Variants in PRKG1 observed in about 807,000 individuals in gnomAD.
The protein encoded by PRKG1 is cGMP-dependent protein kinase 1.
PRKG1 carries 35 observed loss-of-function variants against 88.1 expected under a neutral mutation model. The observed-to-expected ratio is 0.40, with a 90% CI of 0.30 to 0.53. PRKG1 has a LOEUF of 0.53. PRKG1 is among the 20% of genes least tolerant of loss of function. PRKG1 has a pLI of 0.59. For synonymous variants in PRKG1, 303 were observed against 292.5 expected (o/e 1.04, Z -0.37); for missense variants, 540 against 839.8 (o/e 0.64, Z 4.41).
chr10:51,300,401 C>T (rs1840851736), intron 2 of PRKG1, among the ~76,000 whole-genome samples: 1 of 152,054 alleles, frequency 6.6e-6, no homozygotes, highest in Non-Finnish European at 1.5e-5. Flanking sequence ...TGGGACATAC[C>T]TTCATGTGAA....
chr10:51,092,316 C>T (rs373171178), intron 1 of PRKG1, among the ~76,000 whole-genome samples: 10 of 152,212 alleles, frequency 6.6e-5, no homozygotes, highest in African/African-American at 2.2e-4. Context: ...GTGATGATTT[C>T]GTGAAGAAAG....
rs1459895372 is a variant in PRKG1, at chr10:52,294,139, C to G, written c.*239C>G. The G allele has an allele frequency of 2.6e-6, 1 of 383,298 alleles. No individual in the cohort carries two copies. Among genetic ancestry groups the G allele is most frequent in the Non-Finnish European group, 4.5e-6 (1 of 222,838 alleles). 23.7% of individuals were successfully genotyped at this position (383,298 alleles called of 1,614,324 possible). A position where few individuals can be genotyped will look rare whatever the true frequency, so the allele number is the denominator to read the frequency against. On this transcript the variant is annotated 3_prime_UTR_variant, in exon 18 of 18. Coordinates refer to ENST00000373980, the MANE Select transcript of PRKG1 (RefSeq NM_006258.4). The stretch of plus-strand genomic sequence containing the variant: ...TTGACATGGTGGTCCTGAAGCAAAG[C>G]CTTTCACCAGTAAAAGATGTTTTCT...
At chr10:51,660,607 G>A (rs1840275622) in intron 3 of PRKG1, among the ~76,000 whole-genome samples, 1 of 152,032 alleles carries the variant, frequency 6.6e-6, no homozygotes, top group Admixed American at 6.6e-5. Flanking sequence ...CAGTAACCCA[G>A]TTCAAATAAT....
At chr10:51,450,123 T>C (rs1444111883) in intron 2 of PRKG1, among the ~76,000 whole-genome samples, 1 of 151,996 alleles carries the variant, frequency 6.6e-6, no homozygotes, top group Non-Finnish European at 1.5e-5. Flanking sequence ...AATTAATTTA[T>C]TGCTGCTCAA....
chr10:51,879,907 A>G (rs978544386), intron 4 of PRKG1, among the ~76,000 whole-genome samples: 1 of 152,244 alleles, frequency 6.6e-6, no homozygotes, highest in Non-Finnish European at 1.5e-5. Context: ...TATGGCAAGC[A>G]AGGAAATTGT....
intron 1 of PRKG1, among the ~76,000 whole-genome samples, chr10:51,112,181 A>G (rs1019673865): frequency 6.6e-6 from 1 of 152,112 alleles, no homozygotes; most frequent in African/African-American, 2.4e-5. Context: ...TCAAATCATC[A>G]TTGAATTGCA....
chr10:52,212,607 G>A (rs1270420512), intron 9 of PRKG1, among the ~76,000 whole-genome samples: 1 of 151,524 alleles, frequency 6.6e-6, no homozygotes, highest in East Asian at 2.0e-4. Context: ...GGGGGAGAGG[G>A]GTGGTGTAGG....
chr10:51,593,747 C>T (rs538151614), intron 3 of PRKG1, among the ~76,000 whole-genome samples: 4 of 150,678 alleles, frequency 2.7e-5, no homozygotes, highest in South Asian at 2.1e-4. Flanking sequence ...TTTTTTAAGA[C>T]GGAGTCTCGG....
rs558899657 is a variant in PRKG1, at chr10:51,381,714, C to T, written c.479-86009C>T. On this transcript the variant is annotated intron_variant, in intron 2 of 17. Coordinates refer to ENST00000373980, the MANE Select transcript of PRKG1 (RefSeq NM_006258.4). ...GAAAAAAGAAAACATTACATGTATA[C>T]CATGGGGAAGTTAAGACAATTTGGC... Among the ~76,000 whole-genome samples the T allele has an allele frequency of 3.3e-5, 5 of 152,232 alleles. No individual in the cohort carries two copies. The South Asian group carries it at 1.0e-3, about 32-fold the overall frequency.
intron 3 of PRKG1, among the ~76,000 whole-genome samples, chr10:51,700,390 T>C (rs1225166656): frequency 6.6e-6 from 1 of 152,220 alleles, no homozygotes; most frequent in East Asian, 1.9e-4. Context: ...AATTAGTTAT[T>C]AGTATTTTAT....
chr10:51,165,501 A>C (rs564188051), intron 2 of PRKG1, among the ~76,000 whole-genome samples: 2 of 152,328 alleles, frequency 1.3e-5, no homozygotes, highest in East Asian at 1.9e-4. Context: ...CAAGCAAAAT[A>C]ACCAGCTAAC....
intron 2 of PRKG1, among the ~76,000 whole-genome samples, chr10:51,370,577 TCA>T (rs1842684159): frequency 6.6e-6 from 1 of 151,568 alleles, no homozygotes; most frequent in African/African-American, 2.4e-5. Context: ...AGCCTTACCC[TCA>T]CCATGCCTTA....
intron 5 of PRKG1, 56 bp downstream of exon 5, chr10:51,907,626 CT>C: frequency 1.4e-6 from 2 of 1,445,762 alleles, no homozygotes; most frequent in South Asian, 2.3e-5. Flanking sequence ...GCTTGGCTGG[CT>C]TCTTTCACAG....
rs1304664992 is a variant in PRKG1, at chr10:50,991,611, G to A, written c.233G>A (p.Arg78Gln). Reference sequence around the variant, plus strand: ...ACGTACAGGTCCTTCCACGACCTCCGACAGGCATTCCGGAAGTTCACCAAG... The same window carrying A: ...ACGTACAGGTCCTTCCACGACCTCCAACAGGCATTCCGGAAGTTCACCAAG... The change falls in exon 1 of 18, where the codon CGA (arginine) becomes CAA (glutamine). Residue 78 changes from arginine to glutamine, a missense_variant. Transcript: ENST00000401604. This position sits in a 1 kb window ranked among gnomAD's most constrained non-coding sequence, Gnocchi z 4.5. 4 of 1,560,748 alleles carry A rather than the reference G, an allele frequency of 2.6e-6. No homozygotes were observed. Among genetic ancestry groups the A allele is most frequent in the Non-Finnish European group, 3.5e-6 (4 of 1,155,244 alleles).
chr10:51,690,794 C>T (rs144072163), intron 3 of PRKG1, among the ~76,000 whole-genome samples: 1,724 of 151,424 alleles, frequency 0.011, 23 homozygotes, highest in African/African-American at 0.039. Flanking sequence ...GGTGTGGTGG[C>T]GAGCACCTGT....
chr10:51,365,876 C>T (rs1214967358), intron 2 of PRKG1, among the ~76,000 whole-genome samples: 2 of 150,844 alleles, frequency 1.3e-5, no homozygotes, highest in South Asian at 2.1e-4. Context: ...AGCTGCATAG[C>T]TTTGTACTAA....
intron 1 of PRKG1, among the ~76,000 whole-genome samples, chr10:51,068,168 G>A (rs561846734): frequency 8.5e-5 from 13 of 152,070 alleles, no homozygotes; most frequent in South Asian, 2.1e-4. Context: ...TTTGCCTGTC[G>A]TTAGAAAAGT....
At chr10:51,146,867 C>T (rs1165659194) in intron 1 of PRKG1, among the ~76,000 whole-genome samples, 2 of 152,090 alleles carry the variant, frequency 1.3e-5, no homozygotes, top group Non-Finnish European at 2.9e-5. Flanking sequence ...CAGCACTAGT[C>T]ACAATAGCCA....
intron 2 of PRKG1, among the ~76,000 whole-genome samples, chr10:51,174,069 A>C (rs1184164767): frequency 3.3e-5 from 5 of 151,982 alleles, no homozygotes; most frequent in African/African-American, 9.7e-5. Flanking sequence ...CTAGTCAAAA[A>C]TAGATCTTAA....
Sources: allele counts gnomAD v4.1 joint callset (sites outside exome capture counted in the v4.1 genomes callset), GRCh38; gene constraint gnomAD v4.1.1; non-coding constraint Gnocchi (gnomAD v3.1); transcripts MANE v1.5; gene names NCBI Gene and HGNC (gene_info 2026-07-23, HGNC 2026-07-21).